Variants in CDH4 observed in about 807,000 individuals in gnomAD.
CDH4 encodes the protein cadherin 4, also known as cadherin-4.
A neutral mutation model predicts 86.0 loss-of-function variants in CDH4; 33 were observed. That is an observed-to-expected ratio of 0.38 (90% CI 0.29 to 0.51). The LOEUF is 0.51. CDH4 is among the 20% of genes least tolerant of loss of function. The pLI is 0.86. For missense variants in CDH4, 1,114 were observed against 1,307.4 expected (o/e 0.85, Z 2.28); for synonymous variants, 555 against 549.4 (o/e 1.01, Z -0.14).
At chr20:61,827,689 G>A (rs1981388084) in intron 4 of CDH4, among the ~76,000 whole-genome samples, 1 of 152,200 alleles carries the variant, frequency 6.6e-6, no homozygotes, top group Non-Finnish European at 1.5e-5. Context: ...TTCCTACCAA[G>A]AGGAATCAGT....
chr20:61,367,210 C>T (rs564452379), intron 2 of CDH4, among the ~76,000 whole-genome samples: 22 of 152,112 alleles, frequency 1.4e-4, no homozygotes, highest in Non-Finnish European at 1.5e-4. Flanking sequence ...AGAGTGCCTC[C>T]GGGGGCTCCC....
At chr20:61,758,248 T>C (rs1453332599) in intron 3 of CDH4, among the ~76,000 whole-genome samples, 5 of 152,006 alleles carry the variant, frequency 3.3e-5, no homozygotes, top group African/African-American at 9.7e-5. Flanking sequence ...AAGCCAGCCG[T>C]GAAAAAATTC....
chr20:61,596,057 CAG>C (rs1191345354), intron 2 of CDH4, among the ~76,000 whole-genome samples: 1 of 152,230 alleles, frequency 6.6e-6, no homozygotes, highest in Admixed American at 6.5e-5. Context: ...TTCTCCATGA[CAG>C]AGACAGTGCC....
intron 2 of CDH4, among the ~76,000 whole-genome samples, chr20:61,588,910 C>T (rs748263724): frequency 1.3e-5 from 2 of 152,228 alleles, no homozygotes; most frequent in Non-Finnish European, 2.9e-5. Flanking sequence ...CCTGTTTCAT[C>T]TTCTGTACCG....
chr20:61,592,932 A>C lies in CDH4; in HGVS notation c.170-150631A>C, dbSNP rs148363919. ...CAAAGGGACTTCGTGGGGGTGACGA[A>C]GTTTAGGACCTTGAAATGATCCCGG... On this transcript the variant is annotated intron_variant, in intron 2 of 15. Coordinates refer to ENST00000614565, the MANE Select transcript of CDH4 (RefSeq NM_001794.5). Among the ~76,000 whole-genome samples the C allele has an allele frequency of 3.1e-3, 466 of 152,294 alleles. 4 individuals carry two copies. The highest frequency in any genetic ancestry group is 5.1e-3 in the Admixed American group (78 of 15,300).
chr20:61,546,160 G>A (rs1331879469), intron 2 of CDH4, among the ~76,000 whole-genome samples: 2 of 145,742 alleles, frequency 1.4e-5, no homozygotes, highest in African/African-American at 5.1e-5. Context: ...ATTCGTGAGG[G>A]TGTGTGCCTG....
chr20:61,576,568 A>G (rs968260904), intron 2 of CDH4, among the ~76,000 whole-genome samples: 1 of 152,132 alleles, frequency 6.6e-6, no homozygotes, highest in Non-Finnish European at 1.5e-5. Flanking sequence ...CCGGAGGCAG[A>G]CATCACTAAT....
At chr20:61,909,603 G>T (rs1212858731) in intron 8 of CDH4, among the ~76,000 whole-genome samples, 1 of 152,104 alleles carries the variant, frequency 6.6e-6, no homozygotes, top group African/African-American at 2.4e-5. Flanking sequence ...GCTTGTGGTG[G>T]CATCACTCTA....
intron 7 of CDH4, among the ~76,000 whole-genome samples, chr20:61,877,617 G>C (rs764656423): frequency 6.6e-6 from 1 of 152,138 alleles, no homozygotes; most frequent in African/African-American, 2.4e-5. Flanking sequence ...TGGAGAGGGC[G>C]GTCCCGTGTC....
At chr20:61,857,551 G>GC (rs1202014530) in intron 6 of CDH4, among the ~76,000 whole-genome samples, 2 of 152,254 alleles carry the variant, frequency 1.3e-5, no homozygotes, top group Non-Finnish European at 2.9e-5. Context: ...GTGACTAGGG[G>GC]CCCCCCATGT....
chr20:61,373,596 C>T (rs944566419), intron 2 of CDH4, among the ~76,000 whole-genome samples: 1 of 152,098 alleles, frequency 6.6e-6, no homozygotes, highest in Non-Finnish European at 1.5e-5. Flanking sequence ...CTGCATCCAC[C>T]CTCCCAGCAA....
chr20:61,699,541 C>T (rs2087751558), intron 2 of CDH4, among the ~76,000 whole-genome samples: 1 of 152,282 alleles, frequency 6.6e-6, no homozygotes, highest in South Asian at 2.1e-4. Context: ...TTGTTGTCCA[C>T]TCGAGAAAGT....
intron 2 of CDH4, among the ~76,000 whole-genome samples, chr20:61,528,946 A>C (rs930783232): frequency 4.0e-5 from 6 of 151,782 alleles, no homozygotes; most frequent in Non-Finnish European, 8.8e-5. Context: ...GTGGGGAATT[A>C]GACATTTTAG....
chr20:61,834,855 G>A (rs116831248), intron 4 of CDH4, among the ~76,000 whole-genome samples: 53 of 152,346 alleles, frequency 3.5e-4, no homozygotes, highest in African/African-American at 1.2e-3. Flanking sequence ...TGGCTTCTGT[G>A]CAGTGACAGC....
chr20:61,757,288 G>T (rs1443264161), intron 3 of CDH4, among the ~76,000 whole-genome samples: 1 of 152,162 alleles, frequency 6.6e-6, no homozygotes, highest in Admixed American at 6.5e-5. Context: ...TGGGCCGTCA[G>T]TATTAGGTTT....
chr20:61,772,851 T>A (rs1438500760), intron 3 of CDH4, 152 bp from the exon 4 acceptor site: 1 of 529,690 alleles, frequency 1.9e-6, no homozygotes, highest in Non-Finnish European at 3.1e-6. Context: ...TTCCCAGCGT[T>A]ATCCCGCCCT....
intron 2 of CDH4, among the ~76,000 whole-genome samples, chr20:61,398,526 G>A (rs2085031569): frequency 6.6e-6 from 1 of 152,192 alleles, no homozygotes; most frequent in African/African-American, 2.4e-5. Context: ...GGAGACCAGG[G>A]AGAGCGGGTG....
chr20:61,600,217 T>C (rs1466250968), intron 2 of CDH4, among the ~76,000 whole-genome samples: 1 of 152,198 alleles, frequency 6.6e-6, no homozygotes, highest in African/African-American at 2.4e-5. Context: ...CATCTAATTT[T>C]AGTGAAGAAT....
intron 2 of CDH4, among the ~76,000 whole-genome samples, chr20:61,266,294 G>A (rs541545479): frequency 6.6e-6 from 1 of 152,096 alleles, no homozygotes; most frequent in Non-Finnish European, 1.5e-5. Flanking sequence ...CAGAGTGTGG[G>A]TATTGGACAC....
Sources: allele counts gnomAD v4.1 joint callset (sites outside exome capture counted in the v4.1 genomes callset), GRCh38; gene constraint gnomAD v4.1.1; transcripts MANE v1.5; gene names NCBI Gene and HGNC (gene_info 2026-07-23, HGNC 2026-07-21).